The following USP54 variants were observed in gnomAD, a reference collection of about 807,000 sequenced individuals.
USP54 encodes the protein ubiquitin carboxyl-terminal hydrolase 54.
Under a neutral mutation model 170.5 loss-of-function variants are expected in USP54, and 87 were observed. The observed-to-expected ratio is 0.51, with a 90% CI of 0.43 to 0.61. The LOEUF (loss-of-function observed/expected upper bound fraction) is 0.61. Among genes scored for constraint, USP54 ranks in the 20% least tolerant of loss-of-function variants. The pLI is 0.00. For synonymous variants in USP54, 655 were observed against 742.8 expected (o/e 0.88, Z 1.92); for missense variants, 1,786 against 2,047.8 (o/e 0.87, Z 2.47).
chr10:73,535,249 G>A (rs2064991006), intron 11 of USP54, among the ~76,000 whole-genome samples: 1 of 152,060 alleles, frequency 6.6e-6, no homozygotes, highest in Admixed American at 6.6e-5. Flanking sequence ...GCTGTTATAT[G>A]ACATACATTA....
chr10:73,614,676 G>A (rs1232062551), intron 1 of USP54, among the ~76,000 whole-genome samples: 2 of 149,746 alleles, frequency 1.3e-5, no homozygotes, highest in East Asian at 3.9e-4. Flanking sequence ...TTAAAGACAC[G>A]ATATTCAACA....
At chr10:73,600,126 CT>C (rs1398981428) in intron 1 of USP54, among the ~76,000 whole-genome samples, 1 of 152,020 alleles carries the variant, frequency 6.6e-6, no homozygotes, top group Non-Finnish European at 1.5e-5. Flanking sequence ...CCTCGAACTC[CT>C]GACTTCAGGT....
chr10:73,530,135 C>T lies in USP54; in HGVS notation c.1828+8G>A. ...AAAAGCCCAATTCTTCCCTAATTAT[C>T]TCCTCACCTGAATCCTCAGAAAAGG... On this transcript the variant is annotated splice_region_variant and intron_variant, in intron 14 of 23. Transcript: ENST00000687698. 1.1e-5 allele frequency: 17 copies of T among 1,593,278 alleles called. No individual in the cohort carries two copies. The highest frequency in any genetic ancestry group is 1.3e-5 in the Non-Finnish European group (15 of 1,171,532).
intron 7 of USP54, 71 bp downstream of exon 7, chr10:73,542,730 CAA>C (rs368216335): frequency 0.017 from 19,311 of 1,136,702 alleles, no homozygotes; most frequent in South Asian, 0.022. Flanking sequence ...GACTCTGTCT[CAA>C]AAAAAAAAAA....
At chr10:73,541,000 C>A (rs1364852763) in intron 9 of USP54, among the ~76,000 whole-genome samples, 1 of 152,164 alleles carries the variant, frequency 6.6e-6, no homozygotes, top group Non-Finnish European at 1.5e-5. Context: ...GTCAGGAATG[C>A]CCCTCTTTGG....
rs549129654 is a variant in USP54 at position 73,546,327 on chromosome 10, T to C, written c.241-655A>G. On this transcript the variant is annotated intron_variant, in intron 4 of 23. Transcript: ENST00000687698. ...CATAGGATACTTTTGTGTATATTTG[T>C]GGGTTTTTTGTTTTTTTGTGTGTGT... Among the ~76,000 whole-genome samples, 7 of 152,262 alleles carry C rather than the reference T, an allele frequency of 4.6e-5. No homozygotes were observed. The East Asian group carries it at 1.2e-3, about 25-fold the overall frequency.
rs78504463 is a variant in USP54, at chr10:73,539,353, C to G, written c.975+91G>C. 390 of 1,111,858 alleles carry G rather than the reference C, an allele frequency of 3.5e-4. 1 individual carries two copies. The East Asian group carries it at 8.9e-3, about 25-fold the overall frequency. The allele number at this position is 1,111,858 out of a possible 1,614,324, so 68.9% of individuals were successfully genotyped here. ...TATAGAAATGTGGGGAGGTCCCATT[C>G]AAAATTATGAAAATGAAACACTAAA... On this transcript the variant is annotated intron_variant, in intron 10 of 23. Coordinates refer to ENST00000687698, the MANE Select transcript of USP54 (RefSeq NM_001391956.1).
intron 19 of USP54, chr10:73,518,253 A>T: frequency 1.0e-6 from 1 of 985,218 alleles, no homozygotes; most frequent in Non-Finnish European, 1.2e-6. Flanking sequence ...ATACAGGGTG[A>T]TTTGGGCTCA....
intron 1 of USP54, among the ~76,000 whole-genome samples, chr10:73,589,533 G>A (rs185158454): frequency 7.2e-4 from 109 of 152,202 alleles, no homozygotes; most frequent in Middle Eastern, 6.8e-3. Context: ...TTTTTATCCC[G>A]AATTTTATGA....
Position 73,526,632 on chromosome 10 carries a change from T to C in USP54, c.2194+15A>G. On this transcript the variant is annotated intron_variant, in intron 16 of 23. Coordinates refer to ENST00000687698, the MANE Select transcript of USP54 (RefSeq NM_001391956.1). ...GGTCAAATCCAGTCCTCAAATTCAG[T>C]GTCATTCTGCTTACCAGAGAAAGGC... 6.2e-7 allele frequency: 1 copy of C among 1,613,300 alleles called. No homozygotes were observed. The highest frequency in any genetic ancestry group is 8.5e-7 in the Non-Finnish European group (1 of 1,179,714).
intron 3 of USP54, among the ~76,000 whole-genome samples, chr10:73,572,479 A>T (rs955577239): frequency 6.6e-6 from 1 of 152,220 alleles, no homozygotes; most frequent in Non-Finnish European, 1.5e-5. Context: ...ATGAAAAAGC[A>T]TAATTTCTGG....
chr10:73,608,174 T>C (rs12251722), intron 1 of USP54, among the ~76,000 whole-genome samples: 31,677 of 151,812 alleles, frequency 0.21, 6,135 homozygotes, highest in African/African-American at 0.5. Context: ...ACAAAAGAAT[T>C]GCTTGAACCC....
chr10:73,582,571 A>C (rs527804643), intron 1 of USP54, among the ~76,000 whole-genome samples: 19 of 152,146 alleles, frequency 1.2e-4, no homozygotes, highest in Admixed American at 7.9e-4. Flanking sequence ...TTGTACTTTT[A>C]GTAGAGACAG....
chr10:73,621,827 C>A (rs1222737131), intron 1 of USP54, among the ~76,000 whole-genome samples: 1 of 152,132 alleles, frequency 6.6e-6, no homozygotes, highest in Non-Finnish European at 1.5e-5. Flanking sequence ...TTACTCAATT[C>A]TCTATATAAC....
At position 73,575,594 on chromosome 10, in the gene USP54, C is replaced by T. The variant is rs1372776966; in HGVS notation, c.65G>A (p.Arg22Gln). Reference sequence around the variant, plus strand: ...GCTGGGGGCTATGGAGGTTGAGCTTCGAGGTGCAAACATCCCTTGTACACT... The same window carrying T: ...GCTGGGGGCTATGGAGGTTGAGCTTTGAGGTGCAAACATCCCTTGTACACT... ...RGSVQGMFAP[R>Q]SSTSIAPSKG... The change falls in exon 3 of 24, where the codon CGA (arginine) becomes CAA (glutamine). Residue 22 changes from arginine to glutamine, a missense_variant. Arg to Gln is a conservative substitution (Grantham distance 43). This residue lies in a region of USP54 where 361 missense variants were observed against 455.0 expected (regional missense o/e 0.79). Transcript: ENST00000687698. 5 of 1,613,724 alleles carry T rather than the reference C, an allele frequency of 3.1e-6. No homozygotes were observed. The highest frequency in any genetic ancestry group is 1.1e-5 in the South Asian group (1 of 91,032).
intron 1 of USP54, among the ~76,000 whole-genome samples, chr10:73,603,801 T>C (rs2079397476): frequency 6.7e-6 from 1 of 149,324 alleles, no homozygotes; most frequent in Admixed American, 6.7e-5. Flanking sequence ...CAAAATACAA[T>C]TAAAAAATAA....
rs750901770 is a variant in USP54 at position 73,519,851 on chromosome 10, G to A, written c.2624C>T (p.Ser875Leu). ...TGTTGGGAGGCAGGCTGAGGGCTGC[G>A]ACGGCTGCTGTGGTGATTGCTGCTG... ...MQQQQSPQQPSQPSACLPTQA... is the reference protein window; with the variant it reads ...MQQQQSPQQPLQPSACLPTQA... The change falls in exon 19 of 24, where the codon TCG becomes TTG. Residue 875 changes from serine to leucine, a missense_variant. By Grantham distance (145) the Ser-to-Leu change is moderately radical. Transcript: ENST00000687698. The A allele has an allele frequency of 1.7e-5, 27 of 1,613,998 alleles. No individual in the cohort carries two copies. In the East Asian group the frequency reaches 3.3e-4, roughly 20 times the overall value.
Position 73,530,827 on chromosome 10 carries a change from T to G in USP54, c.1324A>C (p.Thr442Pro). The G allele has an allele frequency of 1.9e-6, 3 of 1,613,936 alleles. No homozygotes were observed. The highest frequency in any genetic ancestry group is 2.5e-6 in the Non-Finnish European group (3 of 1,179,888). The stretch of plus-strand genomic sequence containing the variant: ...TGTTTCTGATTACATTCACTATCAG[T>G]CAGGTGTCCTGAAAAAACAAGGAAA... ...SQSSRDTGHLTDSECNQKHTS... is the reference protein window; with the variant it reads ...SQSSRDTGHLPDSECNQKHTS... Residue 442 changes from threonine (T) to proline (P), a missense_variant, in exon 13 of 24, where the codon ACT becomes CCT. Physicochemically the swap from Thr to Pro is conservative, Grantham distance 38 (BLOSUM62 -1). This residue lies in a region of USP54 where 1,418 missense variants were observed against 1,569.0 expected (regional missense o/e 0.90). Transcript: ENST00000687698.
At position 73,500,817 on chromosome 10, in the gene USP54, G is replaced by A. The variant is rs920384502; in HGVS notation, c.4333C>T (p.Pro1445Ser). 1 of 1,600,556 alleles carries A rather than the reference G, an allele frequency of 6.2e-7. No homozygotes were observed. Among genetic ancestry groups the A allele is most frequent in the Middle Eastern group, 1.7e-4 (1 of 6,002 alleles). ...HSFDSSNVRK[P>S]LETGHRCSSS... The stretch of plus-strand genomic sequence containing the variant: ...GAACAACGGTGCCCGGTTTCCAAAG[G>A]CTTCCTCACGTTTGATGAATCCTTA... The change falls in exon 23 of 24, where the codon CCT becomes TCT. Residue 1445 changes from proline (P) to serine (S), a missense_variant. Transcript: ENST00000687698.
Sources: gnomAD v4.1 joint callset for allele counts (sites outside exome capture counted in the v4.1 genomes callset) on GRCh38, gnomAD v4.1.1 for gene constraint, gnomAD v4.1.1 regional missense constraint, MANE v1.5 for transcripts, NCBI Gene and HGNC (gene_info 2026-07-23, HGNC 2026-07-21) for gene names.